The following SYTL5 variants were observed in gnomAD, a reference collection of about 807,000 sequenced individuals.
SYTL5 encodes the protein synaptotagmin like 5, also known as synaptotagmin-like protein 5.
In SYTL5, 34 loss-of-function variants were observed where a neutral mutation model predicts 55.9. The observed-to-expected ratio is 0.61, with a 90% confidence interval of 0.46 to 0.81. The LOEUF (loss-of-function observed/expected upper bound fraction) is 0.81. SYTL5 is among the 30% of genes least tolerant of loss of function. SYTL5 has a pLI of 0.00. For missense variants in SYTL5, 637 were observed against 546.7 expected, an observed-to-expected ratio of 1.17 and a Z score of -1.65; for synonymous variants, 221 against 188.7, an observed-to-expected ratio of 1.17 and a Z score of -1.40.
chrX:37,910,614 GC>G, the SYTL5 span, among the ~76,000 whole-genome samples: 1 of 112,496 alleles, frequency 8.9e-6, no homozygotes. Flanking sequence ...GTTCTAACAA[GC>G]CCCTAGTGAT....
chrX:37,889,406 C>T, the SYTL5 span, among the ~76,000 whole-genome samples: 1 of 105,031 alleles, frequency 9.5e-6, no homozygotes, highest in South Asian at 3.7e-4. Context: ...ACTAAACAGT[C>T]CAGTGGAGAC....
chrX:38,003,306 C>G (rs752519171), upstream of SYTL5, among the ~76,000 whole-genome samples: 1 of 111,652 alleles, frequency 9.0e-6, no homozygotes, highest in East Asian at 2.8e-4. Context: ...TAGCGTGATA[C>G]CTCCAGTGTT....
intron 3 of SYTL5, among the ~76,000 whole-genome samples, chrX:38,055,819 G>A (rs898316134): frequency 9.0e-6 from 1 of 111,563 alleles, no homozygotes; most frequent in Admixed American, 9.5e-5. Context: ...ATTGAGATAA[G>A]TAGGGTTATT....
At chrX:38,089,620 G>A (rs1162264282) in intron 7 of SYTL5, 33 bp downstream of exon 7, 10 of 1,175,730 alleles carry the variant, frequency 8.5e-6, no homozygotes, top group Non-Finnish European at 1.1e-5. Flanking sequence ...CACCGTATTA[G>A]TTCATTCTCA....
At chrX:37,933,206 A>C in the SYTL5 span, among the ~76,000 whole-genome samples, 7 of 112,146 alleles carry the variant, frequency 6.2e-5, no homozygotes, top group Non-Finnish European at 1.3e-4. Context: ...AGAACACTGA[A>C]AAATGGTCAG....
At chrX:37,964,980 CTTAG>C in the SYTL5 span, among the ~76,000 whole-genome samples, 17 of 110,179 alleles carry the variant, frequency 1.5e-4, no homozygotes, top group African/African-American at 4.3e-4. Context: ...TCTCTTTTTT[CTTAG>C]TTATTCTAGC....
the SYTL5 span, among the ~76,000 whole-genome samples, chrX:37,895,935 G>A: frequency 8.9e-6 from 1 of 112,235 alleles, no homozygotes; most frequent in African/African-American, 3.2e-5. Context: ...TGCATATATA[G>A]CATCAGTTAG....
the SYTL5 span, among the ~76,000 whole-genome samples, chrX:37,963,102 T>C: frequency 8.9e-6 from 1 of 111,938 alleles, no homozygotes; most frequent in African/African-American, 3.2e-5. Flanking sequence ...GTATAAGTTT[T>C]TTATTTCTTA....
chrX:37,935,536 A>G, the SYTL5 span, among the ~76,000 whole-genome samples: 77 of 112,583 alleles, frequency 6.8e-4, 2 homozygotes, highest in East Asian at 0.018. Flanking sequence ...CAATAATTGT[A>G]TGTCTGTATT....
chrX:37,916,742 G>C, the SYTL5 span, among the ~76,000 whole-genome samples: 1 of 112,140 alleles, frequency 8.9e-6, no homozygotes, highest in Non-Finnish European at 1.9e-5. Flanking sequence ...TTTGAAGATA[G>C]TAGAGAGTTA....
At chrX:37,916,359 A>C in the SYTL5 span, among the ~76,000 whole-genome samples, 193 of 112,784 alleles carry the variant, frequency 1.7e-3, 1 homozygote, top group African/African-American at 6.0e-3. Context: ...ATCTTAATAC[A>C]TAAGGAAAAA....
intron 5 of SYTL5, among the ~76,000 whole-genome samples, chrX:38,075,017 G>A (rs1238167752): frequency 1.8e-5 from 2 of 110,778 alleles, no homozygotes; most frequent in Admixed American, 1.9e-4. Context: ...CATGGCACCT[G>A]ACTCATCAAA....
chrX:37,922,302 T>C, the SYTL5 span, among the ~76,000 whole-genome samples: 1 of 111,758 alleles, frequency 8.9e-6, no homozygotes, highest in Non-Finnish European at 1.9e-5. Context: ...AAAATGGTGT[T>C]GGATGGAGAG....
chrX:37,940,141 C>T, the SYTL5 span, among the ~76,000 whole-genome samples: 1 of 110,370 alleles, frequency 9.1e-6, no homozygotes, highest in South Asian at 3.9e-4. Flanking sequence ...TGGCTGTGTC[C>T]ACCCTATCTT....
chrX:38,084,020 G>A (rs1010531474), intron 6 of SYTL5, among the ~76,000 whole-genome samples: 14 of 110,530 alleles, frequency 1.3e-4, no homozygotes, highest in South Asian at 3.9e-4. Context: ...CCCTCATTCC[G>A]GAAACCCTGC....
intron 10 of SYTL5, among the ~76,000 whole-genome samples, chrX:38,106,174 G>A (rs1316845448): frequency 8.9e-6 from 1 of 111,805 alleles, no homozygotes; most frequent in African/African-American, 3.3e-5. Context: ...TATGAGATAA[G>A]CTACCCTTTG....
Position 38,096,126 on chromosome X carries a change from C to G in SYTL5, c.962-8C>G, listed in dbSNP as rs1936930654. 1 of 1,085,484 alleles carries G rather than the reference C, an allele frequency of 9.2e-7. No homozygotes were observed. The highest frequency in any genetic ancestry group is 1.2e-6 in the Non-Finnish European group (1 of 802,241). The allele number at this position is 1,085,484 out of a possible 1,213,427, so 89.5% of individuals were successfully genotyped here. On this transcript the variant is annotated splice_region_variant and splice_polypyrimidine_tract_variant and intron_variant, in intron 8 of 16. Coordinates refer to ENST00000297875, the MANE Select transcript of SYTL5 (RefSeq NM_138780.3). ...CTCACGTCTTTCTTTTTCCTTTCCA[C>G]CTTCCAGATCAGAGTCGATCTGAGT...
chrX:38,029,827 T>C (rs1324422710), intron 1 of SYTL5, among the ~76,000 whole-genome samples: 1 of 102,612 alleles, frequency 9.7e-6, no homozygotes, highest in Non-Finnish European at 1.9e-5. Flanking sequence ...ATTTTTAAAC[T>C]AATTAAAGTT....
chrX:38,040,462 C>G (rs959833724), intron 2 of SYTL5, among the ~76,000 whole-genome samples: 11 of 107,863 alleles, frequency 1.0e-4, no homozygotes, highest in East Asian at 2.9e-4. Flanking sequence ...CATCCCCCCC[C>G]CGACCCGAGC....
Sources: allele counts gnomAD v4.1 joint callset (sites outside exome capture counted in the v4.1 genomes callset), GRCh38; gene constraint gnomAD v4.1.1; transcripts MANE v1.5; gene names NCBI Gene and HGNC (gene_info 2026-07-23, HGNC 2026-07-21).